ATP8A2: variants seen among roughly 807,000 people sequenced by gnomAD.
ATP8A2 encodes ATPase phospholipid transporting 8A2.
A neutral mutation model predicts 165.6 loss-of-function variants in ATP8A2; 100 were observed. That is an observed-to-expected ratio of 0.60 (90% CI 0.51 to 0.71). The LOEUF (loss-of-function observed/expected upper bound fraction) is 0.71. ATP8A2 is among the 30% of genes least tolerant of loss of function. The pLI is 0.00. For synonymous variants in ATP8A2, 543 were observed against 548.8 expected, an observed-to-expected ratio of 0.99 and a Z score of 0.15; for missense variants, 1,227 against 1,479.5, an observed-to-expected ratio of 0.83 and a Z score of 2.80.
Position 25,372,338 on chromosome 13 carries a change from G to A in ATP8A2, c.76+50G>A. ...GGAGGGTGGGCCCGGGGCGGGGGCGGCGCGGGGCGCGCCTGCGGTTATGCG... is the reference window on the plus strand; with the variant it reads ...GGAGGGTGGGCCCGGGGCGGGGGCGACGCGGGGCGCGCCTGCGGTTATGCG... On this transcript the variant is annotated intron_variant, in intron 1 of 36. Coordinates refer to ENST00000381655, the MANE Select transcript of ATP8A2 (RefSeq NM_016529.6). The surrounding 1 kb of genome is among the most constrained non-coding windows in gnomAD (Gnocchi z 4.8). 1 of 1,323,564 alleles carries A rather than the reference G, an allele frequency of 7.6e-7. No homozygotes were observed. The allele number at this position is 1,323,564 out of a possible 1,614,324, so 82.0% of individuals were successfully genotyped here.
chr13:25,656,922 G>A (rs2041942089), intron 24 of ATP8A2, among the ~76,000 whole-genome samples: 2 of 151,182 alleles, frequency 1.3e-5, no homozygotes, highest in Admixed American at 6.6e-5. Context: ...GCATGGTGGT[G>A]CATGCCTGTA....
intron 1 of ATP8A2, among the ~76,000 whole-genome samples, chr13:25,451,057 C>T (rs1264314704): frequency 6.6e-6 from 1 of 152,056 alleles, no homozygotes; most frequent in Non-Finnish European, 1.5e-5. Context: ...CCTCTCTAAC[C>T]CCTTTTTCCC....
At chr13:25,707,374 C>T (rs569005278) in intron 25 of ATP8A2, among the ~76,000 whole-genome samples, 13 of 152,258 alleles carry the variant, frequency 8.5e-5, no homozygotes, top group African/African-American at 1.4e-4. Flanking sequence ...GGATTTCTGA[C>T]GTTTTGATTC....
rs2039719732 is a variant in ATP8A2 at position 25,579,796 on chromosome 13, G to T, written c.1868-12G>T. On this transcript the variant is annotated splice_polypyrimidine_tract_variant and intron_variant, in intron 21 of 36. Transcript: ENST00000381655. The stretch of plus-strand genomic sequence containing the variant: ...TTCTGCCTGCCTCCATTCACCAGTG[G>T]CTGTCTTGCAGGCTTGCGGACTCTC... 3.1e-6 allele frequency: 5 copies of T among 1,611,740 alleles called. No individual in the cohort carries two copies. Among genetic ancestry groups the T allele is most frequent in the Non-Finnish European group, 4.2e-6 (5 of 1,178,098 alleles).
At chr13:25,577,643 AGGCTTTTT>A (rs2039656072) in intron 20 of ATP8A2, among the ~76,000 whole-genome samples, 3 of 152,170 alleles carry the variant, frequency 2.0e-5, no homozygotes, top group African/African-American at 7.2e-5. Context: ...TTCCTAGGTC[AGGCTTTTT>A]GTCCTGTATA....
intron 33 of ATP8A2, among the ~76,000 whole-genome samples, chr13:25,878,271 G>A (rs932980362): frequency 2.6e-5 from 4 of 152,140 alleles, no homozygotes; most frequent in Non-Finnish European, 4.4e-5. Flanking sequence ...AAGGTATGTC[G>A]AAACAAATGA....
chr13:25,699,325 C>A lies in ATP8A2; in HGVS notation c.2364C>A (p.Cys788Ter), dbSNP rs1303715001. 6.2e-7 allele frequency: 1 copy of A among 1,612,792 alleles called. No individual in the cohort carries two copies. Among genetic ancestry groups the A allele is most frequent in the African/African-American group, 1.3e-5 (1 of 74,886 alleles). ...GTTTCCTGGATTTGGCACTCTCGTGCAAAGCGGTCATATGCTGCAGGTAGG... is the reference window on the plus strand; with the variant it reads ...GTTTCCTGGATTTGGCACTCTCGTGAAAAGCGGTCATATGCTGCAGGTAGG... ...RRSFLDLALS[C>*]KAVICCRVSP... is the part of the protein sequence containing the mutation. Residue 788 changes from cysteine (C) to a stop codon, truncating the protein, a stop_gained, in exon 25 of 37, where the codon TGC becomes TGA. Coordinates refer to ENST00000381655, the MANE Select transcript of ATP8A2 (RefSeq NM_016529.6). LOFTEE classifies it high-confidence loss of function.
At chr13:25,520,628 T>C (rs1249584726) in intron 2 of ATP8A2, among the ~76,000 whole-genome samples, 1 of 146,198 alleles carries the variant, frequency 6.8e-6, no homozygotes, top group African/African-American at 2.5e-5. Flanking sequence ...TGAGATGGAG[T>C]CTTGCTCTGT....
At chr13:25,432,603 C>A (rs1005534013) in intron 1 of ATP8A2, among the ~76,000 whole-genome samples, 4 of 152,026 alleles carry the variant, frequency 2.6e-5, no homozygotes, top group African/African-American at 9.7e-5. Flanking sequence ...CAAGGGCACC[C>A]CAGTTTTATG....
intron 4 of ATP8A2, 114 bp downstream of exon 4, chr13:25,530,774 T>G: frequency 1.5e-6 from 1 of 656,946 alleles, no homozygotes; most frequent in Non-Finnish European, 2.7e-6. Flanking sequence ...AACCAGCCTC[T>G]TTAGACACCT....
At chr13:25,604,825 A>G (rs1173681266) in intron 24 of ATP8A2, among the ~76,000 whole-genome samples, 1 of 152,122 alleles carries the variant, frequency 6.6e-6, no homozygotes, top group Non-Finnish European at 1.5e-5. Context: ...TAGATAGTCC[A>G]TGTTTGTGAA....
intron 1 of ATP8A2, among the ~76,000 whole-genome samples, chr13:25,425,450 C>G (rs2138120518): frequency 1.4e-5 from 2 of 143,204 alleles, no homozygotes; most frequent in South Asian, 2.3e-4. Flanking sequence ...TTCAGATTGG[C>G]TTCTTTCTTT....
rs189659582 is a variant in ATP8A2 at position 26,023,443 on chromosome 13, G to C, written c.*3458G>C. 1 of 152,156 alleles carries C rather than the reference G, an allele frequency of 6.6e-6. No homozygotes were observed. The highest frequency in any genetic ancestry group is 1.5e-5 in the Non-Finnish European group (1 of 68,028). 9.4% of individuals were successfully genotyped at this position (152,156 alleles called of 1,614,324 possible). A position where few individuals can be genotyped will look rare whatever the true frequency, so the allele number is the denominator to read the frequency against. ...TTCGTCTCACTATAGGGAGCTGGCTGTGAAAATCAGTAATAACTTGTCAAG... is the reference window on the plus strand; with the variant it reads ...TTCGTCTCACTATAGGGAGCTGGCTCTGAAAATCAGTAATAACTTGTCAAG... On this transcript the variant is annotated 3_prime_UTR_variant, in exon 37 of 37. Coordinates refer to ENST00000381655, the MANE Select transcript of ATP8A2 (RefSeq NM_016529.6).
intron 24 of ATP8A2, among the ~76,000 whole-genome samples, chr13:25,611,737 G>A (rs2040693118): frequency 6.6e-6 from 1 of 152,074 alleles, no homozygotes; most frequent in Non-Finnish European, 1.5e-5. Context: ...ATGTCTAATA[G>A]AATTCAGCTG....
intron 2 of ATP8A2, among the ~76,000 whole-genome samples, chr13:25,498,000 T>C (rs148361925): frequency 2.6e-4 from 40 of 152,184 alleles, no homozygotes; most frequent in African/African-American, 9.6e-4. Flanking sequence ...AAGATTTTCA[T>C]TGTCTAGTAC....
chr13:25,934,884 G>T (rs991796233), intron 33 of ATP8A2, among the ~76,000 whole-genome samples: 3 of 152,180 alleles, frequency 2.0e-5, no homozygotes, highest in African/African-American at 7.2e-5. Context: ...TGGCTGAAGT[G>T]CAGGCTGCTG....
chr13:25,578,995 C>A, intron 21 of ATP8A2, 96 bp downstream of exon 21: 2 of 823,952 alleles, frequency 2.4e-6, no homozygotes, highest in Non-Finnish European at 4.2e-6. Context: ...CAGTGCCTGC[C>A]CCATCCCCTC....
At chr13:25,474,783 T>C (rs2035947538) in intron 2 of ATP8A2, among the ~76,000 whole-genome samples, 1 of 151,966 alleles carries the variant, frequency 6.6e-6, no homozygotes, top group African/African-American at 2.4e-5. Flanking sequence ...GGGTTTGTTG[T>C]ACAGATTATT....
chr13:25,422,768 A>C (rs1172250450), intron 1 of ATP8A2, among the ~76,000 whole-genome samples: 2 of 152,210 alleles, frequency 1.3e-5, no homozygotes, highest in Non-Finnish European at 2.9e-5. Context: ...AAAAATGAGG[A>C]GGCTTACATA....
Sources: gnomAD v4.1 joint callset for allele counts (sites outside exome capture counted in the v4.1 genomes callset) on GRCh38, gnomAD v4.1.1 for gene constraint, Gnocchi (gnomAD v3.1) non-coding constraint, MANE v1.5 for transcripts, NCBI Gene and HGNC (gene_info 2026-07-23, HGNC 2026-07-21) for gene names.